The following DAG1 variants were observed in gnomAD, a reference collection of about 807,000 sequenced individuals.
DAG1 encodes the protein dystroglycan 1 (dystrophin-associated glycoprotein 1).
A neutral mutation model predicts 46.1 loss-of-function variants in DAG1; 8 were observed. The ratio of observed to expected loss-of-function variants is 0.17; its 90% CI spans 0.10 to 0.31. The LOEUF (loss-of-function observed/expected upper bound fraction) is 0.31, where lower values mean the gene tolerates loss of function less well. Among genes scored for constraint, DAG1 ranks in the 10% least tolerant of loss-of-function variants. The pLI, the probability that DAG1 is intolerant of heterozygous loss-of-function variation, is 1.00. For missense variants in DAG1, 1,003 were observed against 1,189.9 expected (o/e 0.84, Z 2.31); for synonymous variants, 495 against 481.8 (o/e 1.03, Z -0.36).
At chr3:49,492,414 A>T (rs1268992672) in intron 1 of DAG1, among the ~76,000 whole-genome samples, 2 of 152,184 alleles carry the variant, frequency 1.3e-5, no homozygotes, top group Non-Finnish European at 2.9e-5. Flanking sequence ...TAGGAGGCTG[A>T]GGTGGGAGAA....
chr3:49,477,244 G>A (rs1055970783), intron 1 of DAG1, among the ~76,000 whole-genome samples: 4 of 152,000 alleles, frequency 2.6e-5, no homozygotes, highest in Admixed American at 6.6e-5. Flanking sequence ...TGATCTGCCC[G>A]CCTCGGCCTC....
rs375421214 is a variant in DAG1, at chr3:49,525,820, A to G, written c.286-4977A>G. On this transcript the variant is annotated intron_variant, in intron 2 of 2. Transcript: ENST00000308775. ...TGATCCGCCTGCCTCAGCCTCCCAA[A>G]GTGCTGGGATTACAGGCGTGAGCCA... Among the ~76,000 whole-genome samples, 28 of 150,028 alleles carry G rather than the reference A, an allele frequency of 1.9e-4. No individual in the cohort carries two copies. The East Asian group carries it at 4.5e-3, about 24-fold the overall frequency.
chr3:49,474,748 G>A (rs1189674291), intron 1 of DAG1, among the ~76,000 whole-genome samples: 1 of 151,986 alleles, frequency 6.6e-6, no homozygotes, highest in Non-Finnish European at 1.5e-5. Flanking sequence ...CTCCGAAAGT[G>A]CTGGGATTAC....
At chr3:49,526,386 C>T (rs1180188908) in intron 2 of DAG1, among the ~76,000 whole-genome samples, 2 of 152,194 alleles carry the variant, frequency 1.3e-5, no homozygotes, top group Admixed American at 6.5e-5. Context: ...GTAAACTTTA[C>T]ATGGCTGCAA....
intron 1 of DAG1, among the ~76,000 whole-genome samples, chr3:49,475,755 G>A (rs963462052): frequency 3.4e-5 from 5 of 149,166 alleles, no homozygotes; most frequent in Non-Finnish European, 5.9e-5. Context: ...GGAGTGTGGA[G>A]TGCAGTGGTG....
rs1018117634 is a variant in DAG1, at chr3:49,477,367, T to G, written c.-117+6934T>G. ...GTGCAGTGGCATGATTACAGCTCAC[T>G]GCAGACCTTGACCTCCTAGGCTCAA... On this transcript the variant is annotated intron_variant, in intron 1 of 2. Transcript: ENST00000308775. Among the ~76,000 whole-genome samples the G allele has an allele frequency of 1.1e-4, 16 of 152,238 alleles. No individual in the cohort carries two copies. In the East Asian group the frequency reaches 3.1e-3, roughly 29 times the overall value.
intron 1 of DAG1, among the ~76,000 whole-genome samples, chr3:49,483,258 C>T (rs1253367936): frequency 2.0e-5 from 3 of 148,030 alleles, no homozygotes; most frequent in African/African-American, 5.0e-5. Context: ...GGCTGGAGTG[C>T]AGTGGCGTGA....
chr3:49,503,881 T>TA (rs970671514), intron 1 of DAG1, among the ~76,000 whole-genome samples: 179 of 152,264 alleles, frequency 1.2e-3, no homozygotes, highest in African/African-American at 4.2e-3. Flanking sequence ...GACAGAGTCT[T>TA]ACTGTGTCAG....
At chr3:49,474,277 A>C (rs887706518) in intron 1 of DAG1, among the ~76,000 whole-genome samples, 2 of 151,134 alleles carry the variant, frequency 1.3e-5, no homozygotes, top group Non-Finnish European at 3.0e-5. Context: ...GGTGGTCTCC[A>C]TCTCCTGACC....
chr3:49,500,290 G>A (rs1318386703), intron 1 of DAG1, among the ~76,000 whole-genome samples: 1 of 152,108 alleles, frequency 6.6e-6, no homozygotes, highest in Non-Finnish European at 1.5e-5. Flanking sequence ...TATTACAGGC[G>A]TGAGCCACTG....
At chr3:49,472,336 T>C (rs910734467) in intron 1 of DAG1, among the ~76,000 whole-genome samples, 1 of 152,032 alleles carries the variant, frequency 6.6e-6, no homozygotes. Flanking sequence ...CTGGAATGCA[T>C]GGGCCAGAAG....
intron 1 of DAG1, among the ~76,000 whole-genome samples, chr3:49,474,863 G>A (rs1424928193): frequency 6.7e-6 from 1 of 149,768 alleles, no homozygotes; most frequent in Non-Finnish European, 1.5e-5. Context: ...GCTGCATGGA[G>A]TGCAGTGGCA....
At position 49,535,215 on chromosome 3, in the gene DAG1, T is replaced by G. The variant is rs572830544; in HGVS notation, c.*2016T>G. Reference sequence around the variant, plus strand: ...CAAGTGGGATCTGACCTGGTGAGATTATTTCTGATGACCTCATCAAAAAAT... The same window carrying G: ...CAAGTGGGATCTGACCTGGTGAGATGATTTCTGATGACCTCATCAAAAAAT... On this transcript the variant is annotated 3_prime_UTR_variant, in exon 3 of 3. Coordinates refer to ENST00000308775, the MANE Select transcript of DAG1 (RefSeq NM_004393.6). 6.6e-6 allele frequency: 1 copy of G among 152,504 alleles called. No individual in the cohort carries two copies. Among genetic ancestry groups the G allele is most frequent in the East Asian group, 1.9e-4 (1 of 5,190 alleles). 9.4% of individuals were successfully genotyped at this position (152,504 alleles called of 1,614,324 possible). A position where few individuals can be genotyped will look rare whatever the true frequency, so the allele number is the denominator to read the frequency against.
intron 1 of DAG1, among the ~76,000 whole-genome samples, chr3:49,498,714 A>ATTT (rs71080524): frequency 6.9e-6 from 1 of 145,108 alleles, no homozygotes; most frequent in Non-Finnish European, 1.5e-5. Context: ...TATTATTATT[A>ATTT]ATTAATTTTT....
chr3:49,500,331 C>T (rs2050414164), intron 1 of DAG1, among the ~76,000 whole-genome samples: 2 of 152,062 alleles, frequency 1.3e-5, no homozygotes, highest in African/African-American at 4.8e-5. Flanking sequence ...TTACTTCTGC[C>T]CATCACTTGA....
Position 49,532,496 on chromosome 3 carries a change from A to C in DAG1, c.1985A>C (p.Asn662Thr), listed in dbSNP as rs149926112. The change falls in exon 3 of 3, where the codon AAC becomes ACC. Residue 662 changes from asparagine (N) to threonine (T), a missense_variant. By Grantham distance (65) the Asn-to-Thr change is moderately conservative. This residue lies in a region of DAG1 where 755 missense variants were observed against 854.1 expected (regional missense o/e 0.88). Coordinates refer to ENST00000308775, the MANE Select transcript of DAG1 (RefSeq NM_004393.6). This position sits in a 1 kb window ranked among gnomAD's most constrained non-coding sequence, Gnocchi z 5.4. ...TCCATCGTGGTGGAATGGACCAACA[A>C]CACACTGCCCTTGGAGCCCTGCCCC... The part of the protein sequence containing the change: ...RGSIVVEWTN[N>T]TLPLEPCPKE... 1 of 1,614,188 alleles carries C rather than the reference A, an allele frequency of 6.2e-7. No homozygotes were observed. The highest frequency in any genetic ancestry group is 8.5e-7 in the Non-Finnish European group (1 of 1,180,028).
chr3:49,529,499 G>A (rs1575408804), intron 2 of DAG1, among the ~76,000 whole-genome samples: 2 of 152,170 alleles, frequency 1.3e-5, no homozygotes, highest in East Asian at 3.8e-4. Flanking sequence ...AGGAAGCCCA[G>A]GGAACCAGAG....
intron 1 of DAG1, among the ~76,000 whole-genome samples, chr3:49,477,325 C>G (rs890901639): frequency 3.3e-5 from 5 of 152,224 alleles, no homozygotes; most frequent in Non-Finnish European, 5.9e-5. Flanking sequence ...GGATCTCTGT[C>G]TGTCACCCAT....
intron 1 of DAG1, among the ~76,000 whole-genome samples, chr3:49,472,636 T>C (rs1042911983): frequency 2.0e-5 from 3 of 151,832 alleles, no homozygotes; most frequent in African/African-American, 7.3e-5. Context: ...TGAAACCCCC[T>C]CTCTACTAAA....
Sources: gnomAD v4.1 joint callset for allele counts (sites outside exome capture counted in the v4.1 genomes callset) on GRCh38, gnomAD v4.1.1 for gene constraint, gnomAD v4.1.1 regional missense constraint, Gnocchi (gnomAD v3.1) non-coding constraint, MANE v1.5 for transcripts, NCBI Gene and HGNC (gene_info 2026-07-23, HGNC 2026-07-21) for gene names.